Variants in NBAS observed in about 807,000 individuals in gnomAD.
NBAS encodes the protein NAG/BC035112 fusion.
NBAS carries 219 observed loss-of-function variants against 302.5 expected under a neutral mutation model. The observed-to-expected ratio is 0.72, with a 90% CI of 0.65 to 0.81. The LOEUF (loss-of-function observed/expected upper bound fraction) is 0.81, where lower values mean the gene tolerates loss of function less well. Ranked by LOEUF, NBAS falls within the 30% of genes least tolerant of loss-of-function variation. The probability of loss-of-function intolerance (pLI) is 0.00; values close to 1 mark genes in which losing one functional copy is unlikely to be tolerated. For missense variants in NBAS, 2,932 were observed against 2,841.6 expected (o/e 1.03, Z -0.72); for synonymous variants, 1,118 against 1,021.6 (o/e 1.09, Z -1.80).
At chr2:15,346,636 G>A (rs1012571573) in intron 35 of NBAS, among the ~76,000 whole-genome samples, 1 of 152,136 alleles carries the variant, frequency 6.6e-6, no homozygotes, top group African/African-American at 2.4e-5. Context: ...ATTTGACCTA[G>A]TAATCTCATT....
chr2:14,799,872 C>T, the NBAS span, among the ~76,000 whole-genome samples: 4 of 152,172 alleles, frequency 2.6e-5, no homozygotes, highest in Non-Finnish European at 4.4e-5. Flanking sequence ...AATATAGTCA[C>T]TCCACTCGTC....
At chr2:14,985,213 G>A in the NBAS span, among the ~76,000 whole-genome samples, 16 of 152,196 alleles carry the variant, frequency 1.1e-4, no homozygotes, top group African/African-American at 3.4e-4. Flanking sequence ...AAATAGATCC[G>A]ATTTTAAAAA....
the NBAS span, among the ~76,000 whole-genome samples, chr2:14,983,744 C>A: frequency 6.6e-6 from 1 of 152,164 alleles, no homozygotes; most frequent in Non-Finnish European, 1.5e-5. Flanking sequence ...GAAGAAAGTA[C>A]TCCAGGTTTG....
the NBAS span, among the ~76,000 whole-genome samples, chr2:15,053,047 C>G: frequency 1.3e-5 from 2 of 152,130 alleles, no homozygotes; most frequent in Admixed American, 6.5e-5. Flanking sequence ...TATAAAATAA[C>G]TCTTACATTC....
At chr2:15,379,578 G>A (rs1674927735) in intron 30 of NBAS, 24 bp downstream of exon 30, 6 of 1,600,556 alleles carry the variant, frequency 3.7e-6, no homozygotes, top group Non-Finnish European at 5.1e-6. Context: ...CTCCATCTTA[G>A]GGAAGAATAT....
chr2:15,117,918 G>A, the NBAS span, among the ~76,000 whole-genome samples: 10 of 152,180 alleles, frequency 6.6e-5, no homozygotes, highest in Admixed American at 2.0e-4. Flanking sequence ...CCTTTCATTT[G>A]CTGAATCTCA....
At chr2:15,362,326 A>AG (rs983265577) in intron 32 of NBAS, among the ~76,000 whole-genome samples, 12 of 149,796 alleles carry the variant, frequency 8.0e-5, no homozygotes, top group African/African-American at 2.9e-4. Flanking sequence ...AAAAAAAAAA[A>AG]AAAGAAAGAA....
chr2:15,474,544 G>T (rs1052302008), intron 14 of NBAS, among the ~76,000 whole-genome samples: 1 of 123,814 alleles, frequency 8.1e-6, no homozygotes, highest in Non-Finnish European at 1.7e-5. Flanking sequence ...ACTAAAGCCT[G>T]TTTTTTTCTT....
chr2:15,429,965 C>A (rs929124283), intron 21 of NBAS, among the ~76,000 whole-genome samples: 1 of 151,958 alleles, frequency 6.6e-6, no homozygotes, highest in Admixed American at 6.6e-5. Flanking sequence ...ATTACTCTTC[C>A]GACATAAGAA....
intron 21 of NBAS, 120 bp from the exon 22 acceptor site, chr2:15,427,914 T>C: frequency 1.3e-6 from 1 of 765,472 alleles, no homozygotes. Context: ...ATGCTTATAG[T>C]ATTTTAAGTG....
chr2:14,802,574 A>G, the NBAS span, among the ~76,000 whole-genome samples: 2 of 151,968 alleles, frequency 1.3e-5, no homozygotes, highest in African/African-American at 4.8e-5. Flanking sequence ...ATGCTGCTAT[A>G]AAGACACATG....
the NBAS span, among the ~76,000 whole-genome samples, chr2:14,787,628 T>G: frequency 6.6e-6 from 1 of 152,202 alleles, no homozygotes; most frequent in Non-Finnish European, 1.5e-5. Context: ...ATTCTTTTCT[T>G]TATGAATGTT....
chr2:14,827,761 A>G, the NBAS span, among the ~76,000 whole-genome samples: 2 of 152,120 alleles, frequency 1.3e-5, no homozygotes, highest in Admixed American at 6.5e-5. Context: ...AACTTAGAGG[A>G]GCAGGGAATG....
the NBAS span, among the ~76,000 whole-genome samples, chr2:14,972,423 A>AAAT: frequency 0.041 from 6,278 of 151,584 alleles, 319 homozygotes; most frequent in African/African-American, 0.097. Context: ...ACTTAAAGTA[A>AAAT]AATAATAATA....
chr2:15,087,256 A>ACACC, the NBAS span, among the ~76,000 whole-genome samples: 3 of 127,978 alleles, frequency 2.3e-5, no homozygotes, highest in East Asian at 8.2e-4. Flanking sequence ...ACACACACAC[A>ACACC]CCCCATATTG....
intron 6 of NBAS, among the ~76,000 whole-genome samples, chr2:15,544,222 C>T (rs935878578): frequency 6.6e-6 from 1 of 152,088 alleles, no homozygotes; most frequent in Non-Finnish European, 1.5e-5. Flanking sequence ...AGTGGAAAGA[C>T]ATCAGAGAAG....
chr2:15,383,164 A>C (rs755351795), intron 29 of NBAS, 51 bp downstream of exon 29: 10 of 1,428,700 alleles, frequency 7.0e-6, no homozygotes, highest in Non-Finnish European at 9.7e-6. Context: ...ATAAACCATA[A>C]CAATTAAAAT....
the NBAS span, among the ~76,000 whole-genome samples, chr2:15,105,563 G>T: frequency 9.2e-5 from 14 of 151,824 alleles, no homozygotes; most frequent in Non-Finnish European, 1.9e-4. Context: ...CATTTCTATG[G>T]CCCCATCAAA....
Position 15,232,509 on chromosome 2 carries a change from C to T in NBAS, c.6149G>A (p.Gly2050Asp). ...AIMKIISALS[G>D]GSADLGGPRD... is the part of the protein sequence containing the mutation. ...TGGCCCACCAAGGTCAGCACTGCCA[C>T]CACTGTGAAAAGAGAGATAAACTGA... Residue 2050 changes from glycine to aspartate, a missense_variant and splice_region_variant, in exon 47 of 52, where the codon GGT becomes GAT. Coordinates refer to ENST00000281513, the MANE Select transcript of NBAS (RefSeq NM_015909.4). The T allele has an allele frequency of 1.2e-6, 2 of 1,613,426 alleles. No homozygotes were observed. Among genetic ancestry groups the T allele is most frequent in the South Asian group, 1.1e-5 (1 of 91,076 alleles).
Sources: allele counts gnomAD v4.1 joint callset (sites outside exome capture counted in the v4.1 genomes callset), GRCh38; gene constraint gnomAD v4.1.1; transcripts MANE v1.5; gene names NCBI Gene and HGNC (gene_info 2026-07-23, HGNC 2026-07-21).